RANBP2: variants seen among roughly 807,000 people sequenced by gnomAD.
RANBP2 encodes the protein RAN binding protein 2.
RANBP2 carries 57 observed loss-of-function variants against 303.6 expected under a neutral mutation model. The ratio of observed to expected loss-of-function variants is 0.19; its 90% CI spans 0.15 to 0.23. The LOEUF (loss-of-function observed/expected upper bound fraction) is 0.23. Among genes scored for constraint, RANBP2 ranks in the 10% least tolerant of loss-of-function variants. The pLI is 1.00. For missense variants in RANBP2, 3,138 were observed against 3,780.8 expected, an observed-to-expected ratio of 0.83 and a Z score of 4.46; for synonymous variants, 1,167 against 1,301.5, an observed-to-expected ratio of 0.90 and a Z score of 2.23.
chr2:109,479,236 A>T, the RANBP2 span, among the ~76,000 whole-genome samples: 26 of 152,152 alleles, frequency 1.7e-4, no homozygotes, highest in African/African-American at 6.0e-4. Context: ...CTTGTGGAGG[A>T]TGTCACAAGA....
At chr2:109,419,588 C>A in the RANBP2 span, 2 of 1,597,834 alleles carry the variant, frequency 1.3e-6, no homozygotes, top group Non-Finnish European at 1.7e-6. Context: ...CCACGGGCTG[C>A]CTCGGTGTCT....
At chr2:109,207,797 G>A in the RANBP2 span, among the ~76,000 whole-genome samples, 4 of 152,208 alleles carry the variant, frequency 2.6e-5, no homozygotes, top group African/African-American at 9.6e-5. Context: ...ATTTTGATCA[G>A]TTTAAATGGC....
the RANBP2 span, among the ~76,000 whole-genome samples, chr2:109,767,214 A>C: frequency 6.9e-6 from 1 of 144,364 alleles, no homozygotes; most frequent in South Asian, 2.4e-4. Context: ...AACAAGGAAG[A>C]ATACAGAAAG....
At chr2:109,566,222 G>A in the RANBP2 span, among the ~76,000 whole-genome samples, 2 of 152,058 alleles carry the variant, frequency 1.3e-5, no homozygotes, top group African/African-American at 2.4e-5. Flanking sequence ...CTGGGTTCCA[G>A]TGATTCTCCT....
At chr2:109,491,965 T>C in the RANBP2 span, among the ~76,000 whole-genome samples, 3 of 151,990 alleles carry the variant, frequency 2.0e-5, no homozygotes, top group Non-Finnish European at 4.4e-5. Flanking sequence ...AGATCAGAGG[T>C]CTAGTTTTCT....
the RANBP2 span, among the ~76,000 whole-genome samples, chr2:109,675,278 G>C: frequency 2.0e-5 from 3 of 152,202 alleles, no homozygotes; most frequent in African/African-American, 4.8e-5. Context: ...TTGGCAAAGT[G>C]CAAAGTTCTC....
At chr2:109,054,836 C>G in the RANBP2 span, among the ~76,000 whole-genome samples, 3 of 152,208 alleles carry the variant, frequency 2.0e-5, no homozygotes, top group African/African-American at 7.2e-5. Context: ...GGCCCCCTCT[C>G]CAGTTTCTAT....
the RANBP2 span, among the ~76,000 whole-genome samples, chr2:109,516,299 G>T: frequency 6.6e-6 from 1 of 152,200 alleles, no homozygotes; most frequent in African/African-American, 2.4e-5. Flanking sequence ...CTCTCCCCTG[G>T]CGTCACTGAT....
chr2:109,372,547 GGCATAT>G, the RANBP2 span, among the ~76,000 whole-genome samples: 1 of 152,210 alleles, frequency 6.6e-6, no homozygotes, highest in East Asian at 1.9e-4. Flanking sequence ...CAGCAACACT[GGCATAT>G]GAAAACCATG....
At chr2:108,956,448 T>C in the RANBP2 span, among the ~76,000 whole-genome samples, 1 of 152,210 alleles carries the variant, frequency 6.6e-6, no homozygotes, top group South Asian at 2.1e-4. Flanking sequence ...CTCCATGTCC[T>C]CCACTAGCAC....
the RANBP2 span, among the ~76,000 whole-genome samples, chr2:109,082,768 T>C: frequency 1.3e-5 from 2 of 151,444 alleles, no homozygotes; most frequent in Non-Finnish European, 1.5e-5. Context: ...TGCACTATGA[T>C]GGCACCTGTA....
At chr2:109,719,822 A>G in the RANBP2 span, among the ~76,000 whole-genome samples, 1 of 152,210 alleles carries the variant, frequency 6.6e-6, no homozygotes, top group Non-Finnish European at 1.5e-5. Flanking sequence ...ATCGACCAAG[A>G]TGATTCCTCT....
chr2:109,001,164 G>C, the RANBP2 span, among the ~76,000 whole-genome samples: 1 of 152,208 alleles, frequency 6.6e-6, no homozygotes, highest in Admixed American at 6.5e-5. Context: ...TGTGCTGCGG[G>C]TGTAAAAGTA....
the RANBP2 span, among the ~76,000 whole-genome samples, chr2:109,303,112 G>T: frequency 0.29 from 43,827 of 152,090 alleles, 8,578 homozygotes; most frequent in African/African-American, 0.55. Flanking sequence ...CTGACCTCAG[G>T]TGATCCGTCC....
chr2:109,517,320 G>A, the RANBP2 span, among the ~76,000 whole-genome samples: 2 of 152,022 alleles, frequency 1.3e-5, no homozygotes, highest in Non-Finnish European at 2.9e-5. Flanking sequence ...CGGACTGTGC[G>A]GGGCCTGGGA....
chr2:109,465,200 C>G, the RANBP2 span, among the ~76,000 whole-genome samples: 19 of 152,332 alleles, frequency 1.2e-4, no homozygotes, highest in South Asian at 3.9e-3. Context: ...AGATGTACCA[C>G]AGTTTATTTA....
chr2:109,568,660 A>C, the RANBP2 span, among the ~76,000 whole-genome samples: 1 of 51,658 alleles, frequency 1.9e-5, no homozygotes, highest in Admixed American at 2.3e-4. Context: ...GATAAAAGGT[A>C]AACTGAATTG....
At chr2:109,200,487 G>A in the RANBP2 span, among the ~76,000 whole-genome samples, 1 of 152,108 alleles carries the variant, frequency 6.6e-6, no homozygotes, top group East Asian at 1.9e-4. Flanking sequence ...AGTCCCCTGT[G>A]TCCTGCTCAG....
At chr2:109,689,813 G>A in the RANBP2 span, among the ~76,000 whole-genome samples, 1 of 152,040 alleles carries the variant, frequency 6.6e-6, no homozygotes, top group Non-Finnish European at 1.5e-5. Flanking sequence ...CTGCTCTTTT[G>A]TTAAGAGTTA....
Sources: allele counts gnomAD v4.1 joint callset (sites outside exome capture counted in the v4.1 genomes callset), GRCh38; gene constraint gnomAD v4.1.1; transcripts MANE v1.5; gene names NCBI Gene and HGNC (gene_info 2026-07-23, HGNC 2026-07-21).